Variants in NOS3 observed in about 807,000 individuals in gnomAD.
NOS3 encodes the protein NOS type III.
NOS3 carries 98 observed loss-of-function variants against 144.9 expected under a neutral mutation model. That is an observed-to-expected ratio of 0.68 (90% confidence interval 0.57 to 0.80). The LOEUF is 0.80. Ranked by LOEUF, NOS3 falls within the 30% of genes least tolerant of loss-of-function variation. NOS3 has a pLI of 0.00. For synonymous variants in NOS3, 714 were observed against 702.4 expected (o/e 1.02, Z -0.26); for missense variants, 1,465 against 1,656.4 (o/e 0.88, Z 2.01).
rs1161063747 is a variant in NOS3 at position 151,003,300 on chromosome 7, A to AT, written c.1752+1002dup. The AT allele has an allele frequency of 3.6e-6, 2 of 560,362 alleles. No individual in the cohort carries two copies. The highest frequency in any genetic ancestry group is 1.9e-5 in the African/African-American group (1 of 51,388). 34.7% of individuals were successfully genotyped at this position (560,362 alleles called of 1,614,324 possible). On this transcript the variant is annotated intron_variant, in intron 14 of 26. Transcript: ENST00000297494. The surrounding 1 kb of genome is among the most constrained non-coding windows in gnomAD (Gnocchi z 4.1). ...GCCATGATGCCTAGCTAATTTTTGT[A>AT]TTTTTTATAGAGATGGGGTTTCGCC...
At chr7:151,009,347 C>T (rs1236813322) in intron 19 of NOS3, 51 bp from the exon 20 acceptor site, 3 of 962,512 alleles carry the variant, frequency 3.1e-6, no homozygotes, top group Admixed American at 2.5e-5. Flanking sequence ...CACATTCTCC[C>T]GCCCCCACCC....
At chr7:151,011,066 G>T in intron 23 of NOS3, 80 bp downstream of exon 23, 1 of 949,972 alleles carries the variant, frequency 1.1e-6, no homozygotes, top group South Asian at 1.4e-5. Flanking sequence ...CTGGTGAGGG[G>T]TGTCACTGGA....
Position 150,998,441 on chromosome 7 carries a change from A to T in NOS3, c.667A>T (p.Asn223Tyr). The T allele has an allele frequency of 6.2e-7, 1 of 1,612,416 alleles. No homozygotes were observed. Among genetic ancestry groups the T allele is most frequent in the South Asian group, 1.1e-5 (1 of 90,996 alleles). ...CATCAAGTATGCCACCAACCGGGGC[A>T]ACCTTCGGTGAGTGCCCCCCACCAT... ...NHIKYATNRG[N>Y]LRSAITVFPQ... The change falls in exon 6 of 27, where the codon AAC (asparagine) becomes TAC (tyrosine). Residue 223 changes from asparagine to tyrosine, a missense_variant. Transcript: ENST00000297494. This position sits in a 1 kb window ranked among gnomAD's most constrained non-coding sequence, Gnocchi z 5.0.
intron 23 of NOS3, among the ~76,000 whole-genome samples, chr7:151,011,467 A>T (rs1237527795): frequency 6.9e-6 from 1 of 145,498 alleles, no homozygotes; most frequent in African/African-American, 2.5e-5. Context: ...GCTGGAGTGC[A>T]GTGGTACGAT....
In NOS3 at chr7:151,000,590, C is replaced by T. The variant is rs375280994; in HGVS notation, c.1224C>T (p.His408=). 38 of 1,611,002 alleles carry T rather than the reference C, an allele frequency of 2.4e-5. No homozygotes were observed. The highest frequency in any genetic ancestry group is 3.0e-5 in the Non-Finnish European group (35 of 1,177,854). ...AAVEINVAVL[H]SYQLAKVTIV... is the part of the protein sequence containing the mutation. Reference sequence around the variant, plus strand: ...TGGAAATCAACGTGGCCGTGCTGCACAGTTACCAGGTGCAGAGGCCCAGAC... The same window carrying T: ...TGGAAATCAACGTGGCCGTGCTGCATAGTTACCAGGTGCAGAGGCCCAGAC... The change falls in exon 10 of 27, where the codon CAC becomes CAT. Residue 408 remains histidine, a synonymous_variant. Coordinates refer to ENST00000297494, the MANE Select transcript of NOS3 (RefSeq NM_000603.5).
Position 151,002,122 on chromosome 7 carries a change from C to T in NOS3, c.1648-78C>T. 2 of 1,403,688 alleles carry T rather than the reference C, an allele frequency of 1.4e-6. No individual in the cohort carries two copies. Among genetic ancestry groups the T allele is most frequent in the Non-Finnish European group, 9.9e-7 (1 of 1,011,988 alleles). 87.0% of individuals were successfully genotyped at this position (1,403,688 alleles called of 1,614,324 possible). On this transcript the variant is annotated intron_variant, in intron 13 of 26. Coordinates refer to ENST00000297494, the MANE Select transcript of NOS3 (RefSeq NM_000603.5). This position sits in a 1 kb window ranked among gnomAD's most constrained non-coding sequence, Gnocchi z 4.1. ...ATCAAGTTGGGGCCTGAATCTTGCA[C>T]TGCCAGGGAGGCCAGAGTGAGGAGG...
In NOS3 at chr7:150,993,720, C is replaced by A; in HGVS notation, c.-51-33C>A. The A allele has an allele frequency of 7.1e-7, 1 of 1,404,550 alleles. No homozygotes were observed. Among genetic ancestry groups the A allele is most frequent in the Non-Finnish European group, 9.6e-7 (1 of 1,038,158 alleles). The allele number at this position is 1,404,550 out of a possible 1,614,324, so 87.0% of individuals were successfully genotyped here. A position where few individuals can be genotyped will look rare whatever the true frequency, so the allele number is the denominator to read the frequency against. Reference sequence around the variant, plus strand: ...AGCACTGGAGAGCCCCCTCCCACTGCCCCCTCCTCTCGGTCCCCTCCCTCT... The same window carrying A: ...AGCACTGGAGAGCCCCCTCCCACTGACCCCTCCTCTCGGTCCCCTCCCTCT... On this transcript the variant is annotated intron_variant, in intron 1 of 26. Transcript: ENST00000297494. The surrounding 1 kb of genome is among the most constrained non-coding windows in gnomAD (Gnocchi z 4.0).
At position 151,009,593 on chromosome 7, in the gene NOS3, G is replaced by C; in HGVS notation, c.2512+8G>C. 1 of 1,519,616 alleles carries C rather than the reference G, an allele frequency of 6.6e-7. No individual in the cohort carries two copies. Among genetic ancestry groups the C allele is most frequent in the East Asian group, 2.5e-5 (1 of 40,470 alleles). The allele number at this position is 1,519,616 out of a possible 1,614,324, so 94.1% of individuals were successfully genotyped here. On this transcript the variant is annotated splice_region_variant and intron_variant, in intron 20 of 26. Transcript: ENST00000297494. ...TGGAGAAGGGCAGCCCTGGTGAGGGGCAGCCTGGGAAGCAACAGGGCACAC... is the reference window on the plus strand; with the variant it reads ...TGGAGAAGGGCAGCCCTGGTGAGGGCCAGCCTGGGAAGCAACAGGGCACAC...
chr7:151,009,430 G>C lies in NOS3; in HGVS notation c.2357G>C (p.Gly786Ala). The C allele has an allele frequency of 6.5e-7, 1 of 1,546,508 alleles. No individual in the cohort carries two copies. The highest frequency in any genetic ancestry group is 8.7e-7 in the Non-Finnish European group (1 of 1,145,360). Reference sequence around the variant, plus strand: ...ACCATCCTGGTGCGCCTGGACACCGGAGGCCAGGAGGGGCTGCAGTACCAG... The same window carrying C: ...ACCATCCTGGTGCGCCTGGACACCGCAGGCCAGGAGGGGCTGCAGTACCAG... The part of the protein sequence containing the change: ...RATILVRLDT[G>A]GQEGLQYQPG... Residue 786 changes from glycine to alanine, a missense_variant, in exon 20 of 27, where the codon GGA (glycine) becomes GCA (alanine). Physicochemically the swap from Gly to Ala is moderately conservative, Grantham distance 60. Transcript: ENST00000297494.
At position 150,993,108 on chromosome 7, in the gene NOS3, TC is replaced by T. The variant is rs1563205728; in HGVS notation, c.-51-640del. Among the ~76,000 whole-genome samples the T allele has an allele frequency of 1.3e-5, 2 of 152,134 alleles. No individual in the cohort carries two copies. The highest frequency in any genetic ancestry group is 3.9e-4 in the East Asian group (2 of 5,174). ...GAAGGCAGCTTCCTGCTCTTTTGTG[TC>T]CCCCACTTGAGTCATGGGGGTGTGG... On this transcript the variant is annotated intron_variant, in intron 1 of 26. Coordinates refer to ENST00000297494, the MANE Select transcript of NOS3 (RefSeq NM_000603.5). This position sits in a 1 kb window ranked among gnomAD's most constrained non-coding sequence, Gnocchi z 4.0.
rs1478834946 is a variant in NOS3 at position 151,001,867 on chromosome 7, C to A, written c.1549C>A (p.Arg517=). 1.2e-6 allele frequency: 2 copies of A among 1,613,588 alleles called. No individual in the cohort carries two copies. Among genetic ancestry groups the A allele is most frequent in the Non-Finnish European group, 1.7e-6 (2 of 1,180,020 alleles). ...GCTCATGGGCACGGTGATGGCGAAG[C>A]GAGTGAAGGCGACAATCCTGTATGG... The part of the protein sequence containing the change: ...ASLMGTVMAK[R]VKATILYGSE... The change falls in exon 13 of 27, where the codon CGA becomes AGA. Residue 517 remains arginine (R), a synonymous_variant. Coordinates refer to ENST00000297494, the MANE Select transcript of NOS3 (RefSeq NM_000603.5).
At chr7:151,012,991 T>C (rs1388191436) in intron 24 of NOS3, 2 of 541,768 alleles carry the variant, frequency 3.7e-6, no homozygotes, top group African/African-American at 1.9e-5. Flanking sequence ...AGCCGCGCAT[T>C]CTAGCGCAGC....
chr7:151,008,584 A>T (rs1253857514), intron 17 of NOS3, among the ~76,000 whole-genome samples: 2 of 152,228 alleles, frequency 1.3e-5, no homozygotes, highest in African/African-American at 4.8e-5. Context: ...GAGGCATGTC[A>T]CTGTAAGTAC....
Position 151,002,124 on chromosome 7 carries a change from G to A in NOS3, c.1648-76G>A, listed in dbSNP as rs1317085340. Reference sequence around the variant, plus strand: ...CAAGTTGGGGCCTGAATCTTGCACTGCCAGGGAGGCCAGAGTGAGGAGGGC... The same window carrying A: ...CAAGTTGGGGCCTGAATCTTGCACTACCAGGGAGGCCAGAGTGAGGAGGGC... On this transcript the variant is annotated intron_variant, in intron 13 of 26. Transcript: ENST00000297494. This position sits in a 1 kb window ranked among gnomAD's most constrained non-coding sequence, Gnocchi z 4.1. 6.5e-6 allele frequency: 9 copies of A among 1,394,482 alleles called. No homozygotes were observed. The highest frequency in any genetic ancestry group is 7.0e-6 in the Non-Finnish European group (7 of 1,003,748). 86.4% of individuals were successfully genotyped at this position (1,394,482 alleles called of 1,614,324 possible). A position where few individuals can be genotyped will look rare whatever the true frequency, so the allele number is the denominator to read the frequency against.
At chr7:150,997,165 G>C (rs897092101) in intron 5 of NOS3, among the ~76,000 whole-genome samples, 1 of 152,086 alleles carries the variant, frequency 6.6e-6, no homozygotes, top group African/African-American at 2.4e-5. Flanking sequence ...CTGGAGGAGG[G>C]GAAAGAAGTC....
chr7:151,011,001 A>G lies in NOS3; in HGVS notation c.2984+15A>G, dbSNP rs891512. 0.81 allele frequency: 1,297,962 copies of G among 1,600,030 alleles called. 529,075 individuals carry two copies. The highest frequency in any genetic ancestry group is 0.97 in the East Asian group (43,412 of 44,700). ...TTCATCCGGGGGTAAGTGAGATGGAAGACTTGGTGGGGAGCTGCCCAGGGT... is the reference window on the plus strand; with the variant it reads ...TTCATCCGGGGGTAAGTGAGATGGAGGACTTGGTGGGGAGCTGCCCAGGGT... On this transcript the variant is annotated intron_variant, in intron 23 of 26. Coordinates refer to ENST00000297494, the MANE Select transcript of NOS3 (RefSeq NM_000603.5).
At chr7:151,011,909 G>C (rs1795314104) in intron 23 of NOS3, 2 of 384,330 alleles carry the variant, frequency 5.2e-6, no homozygotes, top group Admixed American at 3.1e-5. Context: ...CAAAAGTCCT[G>C]GTAGGACTGA....
chr7:151,003,779 G>T lies in NOS3; in HGVS notation c.1752+1475G>T, dbSNP rs545958670. On this transcript the variant is annotated intron_variant, in intron 14 of 26. Transcript: ENST00000297494. This position sits in a 1 kb window ranked among gnomAD's most constrained non-coding sequence, Gnocchi z 4.1. ...CTGAGGCTGTTTTTGAGGCGCACTC[G>T]TGTTGCTGCGTGACTCAGTATTTCA... 2.1e-6 allele frequency: 1 copy of T among 467,754 alleles called. No homozygotes were observed. The highest frequency in any genetic ancestry group is 7.0e-5 in the East Asian group (1 of 14,334). 29.0% of individuals were successfully genotyped at this position (467,754 alleles called of 1,614,324 possible). A position where few individuals can be genotyped will look rare whatever the true frequency, so the allele number is the denominator to read the frequency against.
At chr7:151,012,611 G>C (rs1409852594) in intron 24 of NOS3, 139 bp downstream of exon 24, 1 of 1,045,056 alleles carries the variant, frequency 9.6e-7, no homozygotes, top group African/African-American at 1.6e-5. Flanking sequence ...ATGAGACCAA[G>C]GGGAGGGCAG....
Sources: gnomAD v4.1 joint callset for allele counts (sites outside exome capture counted in the v4.1 genomes callset) on GRCh38, gnomAD v4.1.1 for gene constraint, Gnocchi (gnomAD v3.1) non-coding constraint, MANE v1.5 for transcripts, NCBI Gene and HGNC (gene_info 2026-07-23, HGNC 2026-07-21) for gene names.